The following CCM2 variants were observed in gnomAD, a reference collection of about 807,000 sequenced individuals.
CCM2 encodes the protein cerebral cavernous malformations 2 protein.
CCM2 carries 25 observed loss-of-function variants against 44.9 expected under a neutral mutation model. The ratio of observed to expected loss-of-function variants is 0.56; its 90% confidence interval spans 0.41 to 0.78. CCM2 has a LOEUF of 0.78. Among genes scored for constraint, CCM2 ranks in the 30% least tolerant of loss-of-function variants. The probability of loss-of-function intolerance (pLI) is 0.00; values close to 1 mark genes in which losing one functional copy is unlikely to be tolerated. For missense variants in CCM2, 481 were observed against 580.6 expected (o/e 0.83, Z 1.76); for synonymous variants, 219 against 241.1 (o/e 0.91, Z 0.85).
chr7:45,049,623 TTTA>T (rs1193759110), intron 2 of CCM2, among the ~76,000 whole-genome samples: 3 of 152,278 alleles, frequency 2.0e-5, no homozygotes, highest in Non-Finnish European at 4.4e-5. Flanking sequence ...ACATATTTAA[TTTA>T]TTTTCAACTG....
intron 1 of CCM2, chr7:45,027,418 A>C (rs1294962): frequency 1.9e-6 from 1 of 517,832 alleles, no homozygotes; most frequent in African/African-American, 1.9e-5. Context: ...TGACTGCAGA[A>C]TTTCTGCTGG....
intron 1 of CCM2, among the ~76,000 whole-genome samples, chr7:45,032,116 G>A (rs1024410360): frequency 6.6e-5 from 10 of 152,156 alleles, no homozygotes; most frequent in Admixed American, 6.5e-4. Flanking sequence ...GGCTGCAGCA[G>A]ATGTGCAAAG....
At chr7:45,008,332 C>T (rs1206089201) in intron 1 of CCM2, among the ~76,000 whole-genome samples, 7 of 150,472 alleles carry the variant, frequency 4.7e-5, no homozygotes, top group African/African-American at 7.4e-5. Flanking sequence ...TGTGTGCCAC[C>T]GTGCCTGGCC....
Position 45,074,216 on chromosome 7 carries a change from T to C in CCM2, c.916-54T>C, listed in dbSNP as rs561714324. 125 of 1,611,654 alleles carry C rather than the reference T, an allele frequency of 7.8e-5. 2 individuals are homozygous for C. The South Asian group carries it at 1.3e-3, about 17-fold the overall frequency. On this transcript the variant is annotated intron_variant, in intron 8 of 9. Transcript: ENST00000258781. ...GTGGCTGTGGCAAGGTGGGCCCGACTGCCGACTCTTGCCTACTGTGCCCAG... is the reference window on the plus strand; with the variant it reads ...GTGGCTGTGGCAAGGTGGGCCCGACCGCCGACTCTTGCCTACTGTGCCCAG...
chr7:45,038,147 A>T, intron 1 of CCM2, 106 bp from the exon 2 acceptor site: 1 of 1,326,480 alleles, frequency 7.5e-7, no homozygotes. Context: ...TCCCTGTTGC[A>T]TGGGGGCCAT....
intron 1 of CCM2, among the ~76,000 whole-genome samples, chr7:45,030,812 C>T (rs1796929511): frequency 2.0e-5 from 3 of 152,126 alleles, no homozygotes; most frequent in African/African-American, 2.4e-5. Flanking sequence ...CAACTGCTAC[C>T]TCCCAGGTTC....
At chr7:45,011,212 T>C (rs1315503852) in intron 1 of CCM2, among the ~76,000 whole-genome samples, 2 of 151,910 alleles carry the variant, frequency 1.3e-5, no homozygotes, top group Non-Finnish European at 2.9e-5. Context: ...TTTTTTTTTT[T>C]TGAGACGGAG....
chr7:45,074,050 A>C, intron 8 of CCM2: 1 of 918,842 alleles, frequency 1.1e-6, no homozygotes, highest in Non-Finnish European at 1.6e-6. Context: ...AGCTCAGGAG[A>C]GTGGAGCTGC....
At chr7:45,075,612 A>G (rs1395374587) in intron 9 of CCM2, among the ~76,000 whole-genome samples, 165 bp from the exon 10 acceptor site, 1 of 152,222 alleles carries the variant, frequency 6.6e-6, no homozygotes, top group Non-Finnish European at 1.5e-5. Flanking sequence ...CCCAGGAAGC[A>G]TGATTTCAAC....
chr7:45,012,550 T>A (rs1796107735), intron 1 of CCM2, among the ~76,000 whole-genome samples: 1 of 152,160 alleles, frequency 6.6e-6, no homozygotes, highest in Non-Finnish European at 1.5e-5. Context: ...ACATTCTTTT[T>A]TTGCCTTAGG....
At chr7:45,028,668 AAAG>A (rs1237160356) in intron 1 of CCM2, among the ~76,000 whole-genome samples, 1 of 152,096 alleles carries the variant, frequency 6.6e-6, no homozygotes. Context: ...AAAAAAAAGA[AAAG>A]AAAGAAATTA....
At chr7:45,022,497 G>A (rs954333152) in intron 1 of CCM2, among the ~76,000 whole-genome samples, 4 of 151,206 alleles carry the variant, frequency 2.6e-5, no homozygotes, top group East Asian at 2.0e-4. Context: ...TAGTAGAGAC[G>A]GGGTTTCACC....
chr7:45,064,736 G>C, intron 4 of CCM2, 90 bp downstream of exon 4: 2 of 1,350,382 alleles, frequency 1.5e-6, no homozygotes, highest in South Asian at 1.2e-5. Flanking sequence ...TTGCAGCTTC[G>C]TGTTGGGTGC....
At chr7:45,071,985 C>G (rs1799100967) in intron 6 of CCM2, 2 of 388,590 alleles carry the variant, frequency 5.1e-6, no homozygotes, top group African/African-American at 4.2e-5. Context: ...TCCATACTTA[C>G]CTTGTTCCTA....
intron 5 of CCM2, among the ~76,000 whole-genome samples, chr7:45,068,888 A>G (rs544926371): frequency 2.9e-4 from 44 of 151,652 alleles, no homozygotes; most frequent in Non-Finnish European, 5.3e-4. Context: ...TGACCCTCCT[A>G]CCTCCAACCC....
At chr7:45,042,285 C>T (rs1202129359) in intron 2 of CCM2, among the ~76,000 whole-genome samples, 1 of 73,786 alleles carries the variant, frequency 1.4e-5, no homozygotes, top group Non-Finnish European at 2.6e-5. Flanking sequence ...AGGTGCCGTT[C>T]CCTTCCCTTC....
At chr7:45,064,317 C>A in intron 3 of CCM2, 146 bp from the exon 4 acceptor site, 2 of 814,330 alleles carry the variant, frequency 2.5e-6, no homozygotes, top group South Asian at 1.4e-5. Flanking sequence ...CTGGAATAAG[C>A]ACTGTTCTGA....
intron 1 of CCM2, among the ~76,000 whole-genome samples, chr7:45,026,083 A>G (rs1338092119): frequency 1.3e-5 from 2 of 152,132 alleles, no homozygotes; most frequent in Non-Finnish European, 2.9e-5. Context: ...CCCTCCCTGC[A>G]GTAGCCAAAA....
At chr7:45,028,528 G>A (rs71548256) in intron 1 of CCM2, among the ~76,000 whole-genome samples, 4,822 of 152,082 alleles carry the variant, frequency 0.032, 115 homozygotes, top group South Asian at 0.14. Context: ...GTGGCGGCAC[G>A]CACCTGTAAT....
Sources: gnomAD v4.1 joint callset for allele counts (sites outside exome capture counted in the v4.1 genomes callset) on GRCh38, gnomAD v4.1.1 for gene constraint, MANE v1.5 for transcripts, NCBI Gene and HGNC (gene_info 2026-07-23, HGNC 2026-07-21) for gene names.